The following SRGAP1 variants were observed in gnomAD, a reference collection of about 807,000 sequenced individuals.
The protein encoded by SRGAP1 is SLIT-ROBO Rho GTPase activating protein 1.
Under a neutral mutation model 121.9 loss-of-function variants are expected in SRGAP1, and 43 were observed. That is an observed-to-expected ratio of 0.35 (90% CI 0.28 to 0.46). The LOEUF (loss-of-function observed/expected upper bound fraction) is 0.46. SRGAP1 is among the 20% of genes least tolerant of loss of function. The pLI, the probability that SRGAP1 is intolerant of heterozygous loss-of-function variation, is 1.00. For synonymous variants in SRGAP1, 447 were observed against 485.4 expected (o/e 0.92, Z 1.04); for missense variants, 1,102 against 1,350.9 (o/e 0.82, Z 2.89).
chr12:63,986,299 T>G (rs1268655884), intron 2 of SRGAP1, among the ~76,000 whole-genome samples: 1 of 152,148 alleles, frequency 6.6e-6, no homozygotes, highest in Non-Finnish European at 1.5e-5. Flanking sequence ...ACAAATGTTA[T>G]ATGTATTTAA....
chr12:63,956,999 T>A (rs988962709), intron 1 of SRGAP1, among the ~76,000 whole-genome samples: 3 of 152,212 alleles, frequency 2.0e-5, no homozygotes, highest in Non-Finnish European at 4.4e-5. Flanking sequence ...CCTCATTCAT[T>A]TAGCATAATA....
In SRGAP1 at chr12:64,145,961, ATG is replaced by A. The variant is rs2037045304; in HGVS notation, c.*3291_*3292del. The A allele has an allele frequency of 6.6e-6, 1 of 152,190 alleles. No homozygotes were observed. Among genetic ancestry groups the A allele is most frequent in the Admixed American group, 6.5e-5 (1 of 15,288 alleles). 9.4% of individuals were successfully genotyped at this position (152,190 alleles called of 1,614,324 possible). A position where few individuals can be genotyped will look rare whatever the true frequency, so the allele number is the denominator to read the frequency against. On this transcript the variant is annotated 3_prime_UTR_variant, in exon 22 of 22. Transcript: ENST00000355086. The stretch of plus-strand genomic sequence containing the variant: ...TACCTGACTCCACTGACACAAGAAT[ATG>A]TATTCTCAGCTGATATAACTGTGTG...
chr12:63,908,672 G>A (rs2030344411), intron 1 of SRGAP1, among the ~76,000 whole-genome samples: 1 of 152,178 alleles, frequency 6.6e-6, no homozygotes, highest in African/African-American at 2.4e-5. Context: ...TTACAGGCAT[G>A]AGCCACTGTA....
At chr12:64,081,830 T>C (rs2035848617) in intron 10 of SRGAP1, 1 of 151,530 alleles carries the variant, frequency 6.6e-6, no homozygotes, top group Non-Finnish European at 1.5e-5. Context: ...GTGGCAAACA[T>C]TAACAGCCGG....
At chr12:63,913,464 T>A (rs181014780) in intron 1 of SRGAP1, among the ~76,000 whole-genome samples, 1 of 109,900 alleles carries the variant, frequency 9.1e-6, no homozygotes, top group Admixed American at 9.9e-5. Context: ...CATATATATA[T>A]ATATATATAT....
chr12:63,876,947 G>T (rs1263020161), intron 1 of SRGAP1, among the ~76,000 whole-genome samples: 2 of 152,228 alleles, frequency 1.3e-5, no homozygotes, highest in Non-Finnish European at 2.9e-5. Flanking sequence ...TGGTGGGCCA[G>T]GTGCTGTGGC....
chr12:63,973,909 C>T (rs966286176), intron 1 of SRGAP1, among the ~76,000 whole-genome samples: 2 of 152,282 alleles, frequency 1.3e-5, no homozygotes, highest in East Asian at 3.9e-4. Context: ...ATGCCTTGAA[C>T]CTTTGTCAGT....
In SRGAP1 at chr12:64,078,954, A is replaced by T. The variant is rs1178851855; in HGVS notation, c.1161A>T (p.Ile387=). 2 of 1,613,936 alleles carry T rather than the reference A, an allele frequency of 1.2e-6. No individual in the cohort carries two copies. Among genetic ancestry groups the T allele is most frequent in the Non-Finnish European group, 1.7e-6 (2 of 1,180,000 alleles). ...KKTTEATLQT[I]QDMVTIEDYD... The stretch of plus-strand genomic sequence containing the variant: ...CGACTGAAGCCACCTTGCAGACGAT[A>T]CAAGATATGGTCACCATCGAGGACT... The change falls in exon 9 of 22, where the codon ATA becomes ATT. Residue 387 remains isoleucine, a synonymous_variant. Transcript: ENST00000355086.
At chr12:63,881,327 A>G (rs1181856429) in intron 1 of SRGAP1, among the ~76,000 whole-genome samples, 1 of 152,242 alleles carries the variant, frequency 6.6e-6, no homozygotes, top group African/African-American at 2.4e-5. Context: ...AGCAAAGGCT[A>G]TCAGAATTTC....
At chr12:64,041,379 ATTTATTTATTTATTTATTTT>A (rs1194954115) in intron 4 of SRGAP1, among the ~76,000 whole-genome samples, 6 of 143,450 alleles carry the variant, frequency 4.2e-5, no homozygotes, top group African/African-American at 1.3e-4. Context: ...TTATTTATTT[ATTTATTTATTTATTTATTTT>A]TTTGAGGCAA....
In SRGAP1 at chr12:63,895,089, C is replaced by CA. The variant is rs1377346053; in HGVS notation, c.67+50207dup. ...CAATGGTCGAACTAGTTTACAGTCC[C>CA]ATCAACAATGTAAAAGTGTTCCTAT... is the stretch of plus-strand genomic sequence containing the variant. On this transcript the variant is annotated intron_variant, in intron 1 of 21. Coordinates refer to ENST00000355086, the MANE Select transcript of SRGAP1 (RefSeq NM_020762.4). Among the ~76,000 whole-genome samples the CA allele has an allele frequency of 2.1e-4, 32 of 152,308 alleles. No individual in the cohort carries two copies. In the East Asian group the frequency reaches 5.0e-3, roughly 24 times the overall value.
intron 1 of SRGAP1, among the ~76,000 whole-genome samples, chr12:63,852,562 A>G (rs1316131604): frequency 6.6e-6 from 1 of 152,228 alleles, no homozygotes; most frequent in Non-Finnish European, 1.5e-5. Flanking sequence ...AAGTGCAAGT[A>G]ACAAAGCCTA....
intron 8 of SRGAP1, among the ~76,000 whole-genome samples, chr12:64,073,499 G>C (rs570660470): frequency 6.6e-6 from 1 of 152,188 alleles, no homozygotes; most frequent in African/African-American, 2.4e-5. Context: ...AGGGGGATTG[G>C]TTCCAGCACC....
intron 2 of SRGAP1, among the ~76,000 whole-genome samples, chr12:63,987,647 C>G (rs891795066): frequency 6.6e-6 from 1 of 151,962 alleles, no homozygotes; most frequent in Admixed American, 6.6e-5. Flanking sequence ...GCTTGAACCC[C>G]GGAGGAAAAG....
intron 3 of SRGAP1, among the ~76,000 whole-genome samples, chr12:63,998,209 G>A (rs1396081823): frequency 6.6e-6 from 1 of 152,196 alleles, no homozygotes; most frequent in Non-Finnish European, 1.5e-5. Context: ...CTGGCACAGA[G>A]TAGGTGCTCA....
At chr12:63,865,314 C>T (rs1381674122) in intron 1 of SRGAP1, among the ~76,000 whole-genome samples, 2 of 151,926 alleles carry the variant, frequency 1.3e-5, no homozygotes, top group Non-Finnish European at 2.9e-5. Flanking sequence ...ACTAAAAATA[C>T]AAAAATTAGC....
In SRGAP1 at chr12:64,148,672, A is replaced by G. The variant is rs1038681099; in HGVS notation, c.*6000A>G. On this transcript the variant is annotated 3_prime_UTR_variant, in exon 22 of 22. Transcript: ENST00000355086. ...CTTTGTAAAACAATGTAAGTTGTGC[A>G]AGATTGAATATTGATAAGATATAAA... 1 of 152,240 alleles carries G rather than the reference A, an allele frequency of 6.6e-6. No homozygotes were observed. The highest frequency in any genetic ancestry group is 2.4e-5 in the African/African-American group (1 of 41,464). The allele number at this position is 152,240 out of a possible 1,614,324, so 9.4% of individuals were successfully genotyped here. A position where few individuals can be genotyped will look rare whatever the true frequency, so the allele number is the denominator to read the frequency against.
chr12:64,130,261 G>A (rs1410258819), intron 21 of SRGAP1, among the ~76,000 whole-genome samples: 1 of 152,098 alleles, frequency 6.6e-6, no homozygotes, highest in Non-Finnish European at 1.5e-5. Flanking sequence ...TTAGTCTGTT[G>A]CCTTAAAGGT....
At chr12:64,096,699 C>A (rs1022978514) in intron 14 of SRGAP1, among the ~76,000 whole-genome samples, 3 of 152,096 alleles carry the variant, frequency 2.0e-5, no homozygotes, top group East Asian at 3.9e-4. Context: ...TAGAGTCTGC[C>A]TCTGCTCAAG....
Sources: gnomAD v4.1 joint callset for allele counts (sites outside exome capture counted in the v4.1 genomes callset) on GRCh38, gnomAD v4.1.1 for gene constraint, MANE v1.5 for transcripts, NCBI Gene and HGNC (gene_info 2026-07-23, HGNC 2026-07-21) for gene names.